CCL18: variants seen among roughly 807,000 people sequenced by gnomAD.
CCL18 encodes the protein C-C motif chemokine ligand 18, also known as C-C motif chemokine 18.
CCL18 carries 7 observed loss-of-function variants against 8.0 expected under a neutral mutation model. The observed-to-expected ratio is 0.87, with a 90% confidence interval of 0.50 to 1.64. The LOEUF (loss-of-function observed/expected upper bound fraction) is 1.64, where lower values mean the gene tolerates loss of function less well. Ranked by LOEUF, CCL18 falls within the 40% of genes most tolerant of loss-of-function variation. The pLI is 0.00. For synonymous variants in CCL18, 35 were observed against 41.3 expected, an observed-to-expected ratio of 0.85 and a Z score of 0.59; for missense variants, 95 against 107.8, an observed-to-expected ratio of 0.88 and a Z score of 0.52.
intron 1 of CCL18, among the ~76,000 whole-genome samples, chr17:36,067,708 C>A (rs1298072576): frequency 1.3e-5 from 2 of 151,976 alleles, no homozygotes; most frequent in Non-Finnish European, 2.9e-5. Flanking sequence ...AAAATTGAAA[C>A]CAACCCACAT....
chr17:36,064,938 A>G lies in CCL18; in HGVS notation c.67+529A>G, dbSNP rs147405171. Among the ~76,000 whole-genome samples, 796 of 152,276 alleles carry G rather than the reference A, an allele frequency of 5.2e-3. 12 individuals are homozygous for G. The highest frequency in any genetic ancestry group is 0.018 in the African/African-American group (765 of 41,558). On this transcript the variant is annotated intron_variant, in intron 1 of 2. Coordinates refer to ENST00000616054, the MANE Select transcript of CCL18 (RefSeq NM_002988.4). ...TAAGGAGAAACAAACAAAAAGCCAG[A>G]TTATTTCCAGCTTTCTTTTCCTGCA...
chr17:36,070,376 G>A lies in CCL18; in HGVS notation c.68-71G>A, dbSNP rs887528601. Reference sequence around the variant, plus strand: ...CTCCCAGTTCTTCCTGACTCTCAAGGAAAGGGACCAGGAGCAGCTGGCTTG... The same window carrying A: ...CTCCCAGTTCTTCCTGACTCTCAAGAAAAGGGACCAGGAGCAGCTGGCTTG... On this transcript the variant is annotated intron_variant, in intron 1 of 2. Coordinates refer to ENST00000616054, the MANE Select transcript of CCL18 (RefSeq NM_002988.4). 10 of 900,212 alleles carry A rather than the reference G, an allele frequency of 1.1e-5. No individual in the cohort carries two copies. In the Admixed American group the frequency reaches 1.3e-4, roughly 11 times the overall value. The allele number at this position is 900,212 out of a possible 1,614,324, so 55.8% of individuals were successfully genotyped here. A position where few individuals can be genotyped will look rare whatever the true frequency, so the allele number is the denominator to read the frequency against.
intron 1 of CCL18, among the ~76,000 whole-genome samples, chr17:36,068,915 A>G (rs2066850823): frequency 6.6e-6 from 1 of 152,172 alleles, no homozygotes; most frequent in Non-Finnish European, 1.5e-5. Flanking sequence ...GCTGGAGTGC[A>G]GTGGCATGAT....
In CCL18 at chr17:36,070,947, AC is replaced by A; in HGVS notation, c.180-3del. 1.2e-6 allele frequency: 2 copies of A among 1,609,488 alleles called. No homozygotes were observed. Among genetic ancestry groups the A allele is most frequent in the Non-Finnish European group, 1.7e-6 (2 of 1,175,760 alleles). Reference sequence around the variant, plus strand: ...GTTCTTAACTCTTCCTCCCTTCTCCACAGCCTCCTAACCAAGAGAGGCCGGC... The same window carrying A: ...GTTCTTAACTCTTCCTCCCTTCTCCAAGCCTCCTAACCAAGAGAGGCCGGC... On this transcript the variant is annotated splice_region_variant and splice_polypyrimidine_tract_variant and intron_variant, in intron 2 of 2. Transcript: ENST00000616054.
intron 2 of CCL18, 86 bp downstream of exon 2, chr17:36,070,644 G>C (rs2066860724): frequency 1.2e-6 from 1 of 834,120 alleles, no homozygotes; most frequent in Admixed American, 2.0e-5. Flanking sequence ...AGCTCTCTAA[G>C]GCCCATCAAG....
chr17:36,067,456 G>A (rs137998878), intron 1 of CCL18, among the ~76,000 whole-genome samples: 306 of 152,276 alleles, frequency 2.0e-3, no homozygotes, highest in African/African-American at 7.3e-3. Context: ...GGAGGCCGAG[G>A]CAAGCAGATC....
In CCL18 at chr17:36,065,022, T is replaced by C. The variant is rs1173614627; in HGVS notation, c.67+613T>C. On this transcript the variant is annotated intron_variant, in intron 1 of 2. Transcript: ENST00000616054. ...CTCCTTTGTGACCCGCCTGGGCTTC[T>C]TCTCCTGAGCAACTCCTGTTGTCTT... Among the ~76,000 whole-genome samples the C allele has an allele frequency of 2.0e-5, 3 of 152,342 alleles. No individual in the cohort carries two copies. The East Asian group carries it at 5.8e-4, about 29-fold the overall frequency.
intron 1 of CCL18, among the ~76,000 whole-genome samples, chr17:36,065,886 G>T (rs570290118): frequency 1.3e-5 from 2 of 152,164 alleles, no homozygotes; most frequent in East Asian, 3.9e-4. Flanking sequence ...ATCTCTTTTG[G>T]GTAGGAACTT....
chr17:36,068,698 GA>G (rs1046544069), intron 1 of CCL18, among the ~76,000 whole-genome samples: 1 of 152,116 alleles, frequency 6.6e-6, no homozygotes, highest in African/African-American at 2.4e-5. Flanking sequence ...TGATGACTGA[GA>G]AAGCAGCGGC....
intron 1 of CCL18, 112 bp from the exon 2 acceptor site, chr17:36,070,335 C>A: frequency 1.5e-6 from 1 of 645,856 alleles, no homozygotes; most frequent in Non-Finnish European, 2.8e-6. Flanking sequence ...TATATCCCCA[C>A]CCCAAGCGGT....
rs1385152003 is a variant in CCL18, at chr17:36,071,847, T to C, written c.*806T>C. 1 of 152,216 alleles carries C rather than the reference T, an allele frequency of 6.6e-6. No individual in the cohort carries two copies. Among genetic ancestry groups the C allele is most frequent in the Non-Finnish European group, 1.5e-5 (1 of 68,036 alleles). 9.4% of individuals were successfully genotyped at this position (152,216 alleles called of 1,614,324 possible). On this transcript the variant is annotated 3_prime_UTR_variant, in exon 3 of 3. Transcript: ENST00000616054. ...GTTTTGGGCTAAGTACTTATATTAG[T>C]AAAAGTCTAGCAAATACTGCCCATA...
chr17:36,066,899 G>T (rs994789674), intron 1 of CCL18, among the ~76,000 whole-genome samples: 11 of 152,218 alleles, frequency 7.2e-5, no homozygotes, highest in African/African-American at 1.2e-4. Context: ...AGGACGTCAA[G>T]AATTGGTGTT....
At chr17:36,070,816 G>T in intron 2 of CCL18, 135 bp from the exon 3 acceptor site, 1 of 748,234 alleles carries the variant, frequency 1.3e-6, no homozygotes, top group Non-Finnish European at 2.4e-6. Flanking sequence ...GAAGGCCTGT[G>T]AACCCCGAAG....
At chr17:36,069,429 A>G (rs999874824) in intron 1 of CCL18, among the ~76,000 whole-genome samples, 2 of 152,214 alleles carry the variant, frequency 1.3e-5, no homozygotes, top group Non-Finnish European at 2.9e-5. Flanking sequence ...CACCAGTATC[A>G]TGATTAAAAA....
intron 1 of CCL18, among the ~76,000 whole-genome samples, chr17:36,068,864 C>T (rs2142052511): frequency 6.6e-6 from 1 of 152,094 alleles, no homozygotes; most frequent in African/African-American, 2.4e-5. Flanking sequence ...ATTTATTTAC[C>T]TAATTATTTA....
intron 2 of CCL18, 71 bp downstream of exon 2, chr17:36,070,629 T>A: frequency 1.1e-6 from 1 of 937,578 alleles, no homozygotes; most frequent in Non-Finnish European, 1.7e-6. Flanking sequence ...CCCCTCAGAG[T>A]ACTCAGCTCT....
rs149506889 is a variant in CCL18, at chr17:36,070,991, A to G, written c.220A>G (p.Asn74Asp). 5.4e-4 allele frequency: 872 copies of G among 1,613,936 alleles called. No homozygotes were observed. Among genetic ancestry groups the G allele is most frequent in the Non-Finnish European group, 7.1e-4 (832 of 1,179,948 alleles). ...AGGCCGGCAGATCTGTGCTGACCCC[A>G]ATAAGAAGTGGGTCCAGAAATACAT... ...KRGRQICADP[N>D]KKWVQKYISD... Residue 74 changes from asparagine (N) to aspartate (D), a missense_variant, in exon 3 of 3, where the codon AAT (asparagine) becomes GAT (aspartate). Asn to Asp is a conservative substitution (Grantham distance 23). Transcript: ENST00000616054.
At position 36,070,471 on chromosome 17, in the gene CCL18, G is replaced by T. The variant is rs377474798; in HGVS notation, c.92G>T (p.Cys31Phe). 17 of 1,613,112 alleles carry T rather than the reference G, an allele frequency of 1.1e-5. No individual in the cohort carries two copies. Among genetic ancestry groups the T allele is most frequent in the African/African-American group, 4.0e-5 (3 of 74,920 alleles). The change falls in exon 2 of 3, where the codon TGC (cysteine) becomes TTC (phenylalanine). Residue 31 changes from cysteine to phenylalanine, a missense_variant. Transcript: ENST00000616054. ...AQVGTNKELC[C>F]LVYTSWQIPQ... is the part of the protein sequence containing the mutation. ...GTTGGTACCAACAAAGAGCTCTGCTGCCTCGTCTATACCTCCTGGCAGATT... is the reference window on the plus strand; with the variant it reads ...GTTGGTACCAACAAAGAGCTCTGCTTCCTCGTCTATACCTCCTGGCAGATT...
chr17:36,066,019 C>A (rs1250283523), intron 1 of CCL18, among the ~76,000 whole-genome samples: 1 of 152,136 alleles, frequency 6.6e-6, no homozygotes, highest in Admixed American at 6.5e-5. Flanking sequence ...CCAACTAGAC[C>A]CAGAGTTTGC....
Sources: gnomAD v4.1 joint callset for allele counts (sites outside exome capture counted in the v4.1 genomes callset) on GRCh38, gnomAD v4.1.1 for gene constraint, MANE v1.5 for transcripts, NCBI Gene and HGNC (gene_info 2026-07-23, HGNC 2026-07-21) for gene names.